The following TANK variants were observed in gnomAD, a reference collection of about 807,000 sequenced individuals.
The protein encoded by TANK is TRAF family member-associated NF-kappa-B activator.
Under a neutral mutation model 43.6 loss-of-function variants are expected in TANK, and 15 were observed. That is an observed-to-expected ratio of 0.34 (90% CI 0.23 to 0.53). TANK has a LOEUF of 0.53. TANK is among the 20% of genes least tolerant of loss of function. TANK has a pLI of 0.94. For missense variants in TANK, 417 were observed against 498.6 expected (o/e 0.84, Z 1.56); for synonymous variants, 162 against 178.2 (o/e 0.91, Z 0.73).
Position 161,224,684 on chromosome 2 carries a change from G to A in TANK, c.458G>A (p.Cys153Tyr), listed in dbSNP as rs749776045. 1 of 1,589,450 alleles carries A rather than the reference G, an allele frequency of 6.3e-7. No homozygotes were observed. Among genetic ancestry groups the A allele is most frequent in the Non-Finnish European group, 8.6e-7 (1 of 1,167,124 alleles). The change falls in exon 6 of 8, where the codon TGC (cysteine) becomes TAC (tyrosine). Residue 153 changes from cysteine to tyrosine, a missense_variant. Cys to Tyr is a radical substitution (Grantham distance 194, BLOSUM62 -2). Transcript: ENST00000392749. ...WDLKEEFHKI[C>Y]MLAKAQKDHL... ...CTGAAAGAAGAATTTCATAAAATAT[G>A]CATGCTAGCAAAAGCACAGAAAGAC...
At chr2:161,156,203 G>A (rs1684222274), upstream of TANK, 1 of 985,006 alleles carries the variant, frequency 1.0e-6, no homozygotes, top group South Asian at 4.7e-5. Context: ...TCACCTATTT[G>A]TACTTTCCAG....
intron 1 of TANK, among the ~76,000 whole-genome samples, chr2:161,174,852 G>C (rs1685108911): frequency 6.6e-6 from 1 of 152,088 alleles, no homozygotes; most frequent in Non-Finnish European, 1.5e-5. Context: ...CATAAGAAAT[G>C]CATATAATCC....
chr2:161,231,291 G>A lies in TANK; in HGVS notation c.841G>A (p.Val281Ile). ...MEFRDNPGNF[V>I]KTEETLFEIQ... ...GTTCAGAGACAACCCAGGGAACTTT[G>A]TTAAAACAGAAGAAACTTTATTTGA... Residue 281 changes from valine to isoleucine, a missense_variant, in exon 7 of 8, where the codon GTT becomes ATT. Transcript: ENST00000392749. 6.2e-7 allele frequency: 1 copy of A among 1,614,100 alleles called. No individual in the cohort carries two copies. The highest frequency in any genetic ancestry group is 8.5e-7 in the Non-Finnish European group (1 of 1,180,022).
chr2:161,170,841 T>C (rs1164651106), intron 1 of TANK, among the ~76,000 whole-genome samples: 1 of 152,238 alleles, frequency 6.6e-6, no homozygotes, highest in Non-Finnish European at 1.5e-5. Flanking sequence ...AGACTGGACA[T>C]GTATTGTATA....
intron 1 of TANK, chr2:161,163,133 G>A (rs1684518799): frequency 1.3e-5 from 2 of 152,088 alleles, no homozygotes; most frequent in African/African-American, 4.8e-5. Flanking sequence ...TCAAGGTTAT[G>A]CTGGTTCCTA....
At chr2:161,215,571 C>CT (rs1437291345) in intron 4 of TANK, among the ~76,000 whole-genome samples, 1 of 152,068 alleles carries the variant, frequency 6.6e-6, no homozygotes, top group Non-Finnish European at 1.5e-5. Flanking sequence ...ACTAGGTACT[C>CT]TGTTTTTTTA....
At chr2:161,149,635 C>T (rs1165293047) in intron 1 of TANK, among the ~76,000 whole-genome samples, 1 of 151,610 alleles carries the variant, frequency 6.6e-6, no homozygotes, top group East Asian at 1.9e-4. Context: ...CATAAATGCT[C>T]TTTATTATGT....
chr2:161,189,560 A>C (rs1685819029), intron 2 of TANK, among the ~76,000 whole-genome samples: 1 of 152,212 alleles, frequency 6.6e-6, no homozygotes, highest in South Asian at 2.1e-4. Context: ...GAAGAAAAAG[A>C]AATAAAAGCC....
intron 6 of TANK, among the ~76,000 whole-genome samples, chr2:161,225,933 C>T (rs1687593620): frequency 6.6e-6 from 1 of 152,088 alleles, no homozygotes. Flanking sequence ...TCCCTTCCCC[C>T]ACCTCCCCAA....
At chr2:161,167,058 A>C (rs1684715254) in intron 1 of TANK, among the ~76,000 whole-genome samples, 2 of 152,238 alleles carry the variant, frequency 1.3e-5, no homozygotes, top group African/African-American at 4.8e-5. Context: ...GAACTCTGGC[A>C]GAACATTTAC....
intron 2 of TANK, chr2:161,200,915 A>C: frequency 5.6e-6 from 1 of 178,860 alleles, no homozygotes; most frequent in Non-Finnish European, 1.1e-5. Flanking sequence ...CAAGTTAATT[A>C]GTTTGTTTAT....
At chr2:161,203,631 C>G in intron 3 of TANK, 36 bp downstream of exon 3, 1 of 1,378,708 alleles carries the variant, frequency 7.3e-7, no homozygotes, top group Non-Finnish European at 1.0e-6. Context: ...ATTTCTAGAA[C>G]CTCTTGGTGA....
At chr2:161,191,098 TC>T (rs1369589966) in intron 2 of TANK, among the ~76,000 whole-genome samples, 4 of 152,180 alleles carry the variant, frequency 2.6e-5, no homozygotes, top group African/African-American at 9.7e-5. Flanking sequence ...CAGTGTTTCT[TC>T]CAGTTCACTG....
chr2:161,218,153 C>T (rs751959713), intron 4 of TANK, among the ~76,000 whole-genome samples: 8 of 152,082 alleles, frequency 5.3e-5, no homozygotes, highest in Non-Finnish European at 1.2e-4. Context: ...ACGATACATC[C>T]TTGAGAACGC....
At chr2:161,215,245 A>AT (rs1687067754) in intron 4 of TANK, among the ~76,000 whole-genome samples, 1 of 152,116 alleles carries the variant, frequency 6.6e-6, no homozygotes, top group Non-Finnish European at 1.5e-5. Flanking sequence ...AAAAAATCAT[A>AT]TTGCCTTTTT....
chr2:161,225,094 CT>C (rs899051734), intron 6 of TANK, among the ~76,000 whole-genome samples: 7 of 152,046 alleles, frequency 4.6e-5, no homozygotes, highest in Non-Finnish European at 7.4e-5. Flanking sequence ...TAAACATTAA[CT>C]TTTATGTTAA....
intron 2 of TANK, among the ~76,000 whole-genome samples, chr2:161,195,548 G>T (rs571929774): frequency 6.6e-6 from 1 of 152,216 alleles, no homozygotes; most frequent in African/African-American, 2.4e-5. Flanking sequence ...GAAGAGTCAG[G>T]GGCTCTTAGT....
chr2:161,204,662 T>C lies in TANK; in HGVS notation c.209-13T>C. Reference sequence around the variant, plus strand: ...GGTTTTCTGCTAATGTCCAAGAGGTTTTTGTCTTGCAGATAACAATTATGG... The same window carrying C: ...GGTTTTCTGCTAATGTCCAAGAGGTCTTTGTCTTGCAGATAACAATTATGG... On this transcript the variant is annotated splice_polypyrimidine_tract_variant and intron_variant, in intron 3 of 7. Transcript: ENST00000392749. 1.2e-6 allele frequency: 2 copies of C among 1,600,202 alleles called. No individual in the cohort carries two copies. Among genetic ancestry groups the C allele is most frequent in the Non-Finnish European group, 1.7e-6 (2 of 1,175,264 alleles).
chr2:161,175,550 G>T (rs1003216906), intron 1 of TANK, among the ~76,000 whole-genome samples: 13 of 152,154 alleles, frequency 8.5e-5, no homozygotes, highest in African/African-American at 3.1e-4. Context: ...TGATTGAATG[G>T]TAATGGGATA....
Sources: gnomAD v4.1 joint callset for allele counts (sites outside exome capture counted in the v4.1 genomes callset) on GRCh38, gnomAD v4.1.1 for gene constraint, MANE v1.5 for transcripts, NCBI Gene and HGNC (gene_info 2026-07-23, HGNC 2026-07-21) for gene names.